DPH1: variants seen among roughly 807,000 people sequenced by gnomAD.
DPH1 encodes the protein diphthamide biosynthesis 1, also known as 2-(3-amino-3-carboxypropyl)histidine synthase subunit 1.
DPH1 carries 59 observed loss-of-function variants against 55.3 expected under a neutral mutation model. That is an observed-to-expected ratio of 1.07 (90% confidence interval 0.87 to 1.33). The LOEUF (loss-of-function observed/expected upper bound fraction) is 1.33. DPH1 is among the 40% of genes most tolerant of loss of function. DPH1 has a pLI of 0.00. For synonymous variants in DPH1, 238 were observed against 235.5 expected (o/e 1.01, Z -0.10); for missense variants, 628 against 584.8 (o/e 1.07, Z -0.76).
chr17:2,036,506 C>G lies in DPH1; in HGVS notation c.401-23C>G. Reference sequence around the variant, plus strand: ...TGCTGCTCCTGCCTTCCCAAACAGCCCCTGAACTCCTCCCTCCCACAGTTC... The same window carrying G: ...TGCTGCTCCTGCCTTCCCAAACAGCGCCTGAACTCCTCCCTCCCACAGTTC... On this transcript the variant is annotated intron_variant, in intron 4 of 12. Coordinates refer to ENST00000263083, the MANE Select transcript of DPH1 (RefSeq NM_001383.6). This position sits in a 1 kb window ranked among gnomAD's most constrained non-coding sequence, Gnocchi z 4.8. 1 of 1,612,702 alleles carries G rather than the reference C, an allele frequency of 6.2e-7. No individual in the cohort carries two copies. The highest frequency in any genetic ancestry group is 8.5e-7 in the Non-Finnish European group (1 of 1,179,176).
intron 11 of DPH1, 69 bp downstream of exon 11, chr17:2,041,690 C>T (rs764681708): frequency 1.3e-6 from 2 of 1,577,248 alleles, no homozygotes; most frequent in Admixed American, 1.9e-5. Flanking sequence ...GCGACCGCGA[C>T]GGGAAACGCA....
Position 2,041,861 on chromosome 17 carries a change from G to T in DPH1, c.*4G>T, listed in dbSNP as rs551634734. 5.9e-5 allele frequency: 93 copies of T among 1,588,544 alleles called. No individual in the cohort carries two copies. The highest frequency in any genetic ancestry group is 7.6e-5 in the Non-Finnish European group (89 of 1,170,572). ...GGTGGCGCCGCTGGCTCCTTGACGC[G>T]CTCCCGGGCCTCAGGTATCAGCCCC... On this transcript the variant is annotated 3_prime_UTR_variant, in exon 12 of 13. Transcript: ENST00000263083.
rs375928860 is a variant in DPH1 at position 2,041,110 on chromosome 17, C to T, written c.1015C>T (p.Gln339Ter). The change falls in exon 10 of 13, where the codon CAG (glutamine) becomes TAG (stop). Residue 339 changes from glutamine to a stop codon, truncating the protein, a stop_gained. Coordinates refer to ENST00000263083, the MANE Select transcript of DPH1 (RefSeq NM_001383.6). LOFTEE classifies it high-confidence loss of function. ...CCTGGCTTCCCTTCCCAGGTGGGTG[C>T]AGGTGGCATGTCCACGTCTCTCCAT... ...SLLPEVDVWV[Q>*]VACPRLSIDW... 4 of 1,601,102 alleles carry T rather than the reference C, an allele frequency of 2.5e-6. No homozygotes were observed. In the African/African-American group the frequency reaches 5.3e-5, roughly 21 times the overall value.
chr17:2,036,462 T>G lies in DPH1; in HGVS notation c.401-67T>G. On this transcript the variant is annotated intron_variant, in intron 4 of 12. Coordinates refer to ENST00000263083, the MANE Select transcript of DPH1 (RefSeq NM_001383.6). This position sits in a 1 kb window ranked among gnomAD's most constrained non-coding sequence, Gnocchi z 4.8. ...CACTGCGCCTGGCTGCTCAGAGACCTGAGCCTGGCCGGGCCCTCTGCTGCT... is the reference window on the plus strand; with the variant it reads ...CACTGCGCCTGGCTGCTCAGAGACCGGAGCCTGGCCGGGCCCTCTGCTGCT... 6.3e-7 allele frequency: 1 copy of G among 1,589,264 alleles called. No homozygotes were observed. Among genetic ancestry groups the G allele is most frequent in the Non-Finnish European group, 8.6e-7 (1 of 1,164,136 alleles).
In DPH1 at chr17:2,041,848, G is replaced by A. The variant is rs754108934; in HGVS notation, c.1308G>A (p.Leu436=). Residue 436 remains leucine, a synonymous_variant, in exon 12 of 13, where the codon CTG becomes CTA. Transcript: ENST00000263083. ...CSCRDEKVAP[L]AP Reference sequence around the variant, plus strand: ...GCAGGGACGAGAAGGTGGCGCCGCTGGCTCCTTGACGCGCTCCCGGGCCTC... The same window carrying A: ...GCAGGGACGAGAAGGTGGCGCCGCTAGCTCCTTGACGCGCTCCCGGGCCTC... 44 of 1,597,542 alleles carry A rather than the reference G, an allele frequency of 2.8e-5. No individual in the cohort carries two copies. Among genetic ancestry groups the A allele is most frequent in the Non-Finnish European group, 3.6e-5 (42 of 1,174,222 alleles).
chr17:2,037,067 G>A, intron 6 of DPH1, 111 bp downstream of exon 6: 5 of 1,462,042 alleles, frequency 3.4e-6, no homozygotes, highest in Non-Finnish European at 4.6e-6. Flanking sequence ...CCTTACCTGT[G>A]AGCCCGAGGT....
intron 11 of DPH1, 44 bp downstream of exon 11, chr17:2,041,665 A>G: frequency 6.3e-7 from 1 of 1,584,034 alleles, no homozygotes; most frequent in Non-Finnish European, 8.6e-7. Context: ...GCGCCTGGGC[A>G]CTGGCCGCCG....
At position 2,036,300 on chromosome 17, in the gene DPH1, G is replaced by C; in HGVS notation, c.400+209G>C. ...GCAACGGTGCTCTGTCCCAGATGCAGGTGTTTGAAAGGCTGTTGGTTGTAG... is the reference window on the plus strand; with the variant it reads ...GCAACGGTGCTCTGTCCCAGATGCACGTGTTTGAAAGGCTGTTGGTTGTAG... On this transcript the variant is annotated intron_variant, in intron 4 of 12. Transcript: ENST00000263083. This position sits in a 1 kb window ranked among gnomAD's most constrained non-coding sequence, Gnocchi z 4.8. 9.0e-7 allele frequency: 1 copy of C among 1,111,808 alleles called. No homozygotes were observed. The highest frequency in any genetic ancestry group is 1.2e-6 in the Non-Finnish European group (1 of 803,322). The allele number at this position is 1,111,808 out of a possible 1,614,324, so 68.9% of individuals were successfully genotyped here. A position where few individuals can be genotyped will look rare whatever the true frequency, so the allele number is the denominator to read the frequency against.
In DPH1 at chr17:2,034,283, T is replaced by C. The variant is rs565003268; in HGVS notation, c.278+441T>C. Among the ~76,000 whole-genome samples, 1,083 of 152,060 alleles carry C rather than the reference T, an allele frequency of 7.1e-3. 9 individuals are homozygous for C. Among genetic ancestry groups the C allele is most frequent in the Non-Finnish European group, 0.01 (689 of 67,944 alleles). Reference sequence around the variant, plus strand: ...GGATGGGTTTGGAGTGGGAGGTGCCTGGGAGAAGGTATTCAGTTCCTCTAC... The same window carrying C: ...GGATGGGTTTGGAGTGGGAGGTGCCCGGGAGAAGGTATTCAGTTCCTCTAC... On this transcript the variant is annotated intron_variant, in intron 3 of 12. Transcript: ENST00000263083.
intron 3 of DPH1, among the ~76,000 whole-genome samples, chr17:2,035,189 G>C (rs1253726605): frequency 6.6e-6 from 1 of 152,030 alleles, no homozygotes; most frequent in African/African-American, 2.4e-5. Context: ...TCAAGGAAGA[G>C]GGGGTTCTCC....
At chr17:2,031,327 G>A (rs1231859840) in intron 1 of DPH1, among the ~76,000 whole-genome samples, 3 of 152,152 alleles carry the variant, frequency 2.0e-5, no homozygotes, top group African/African-American at 4.8e-5. Flanking sequence ...CTGGGAGGCT[G>A]AGGCGGGCGG....
chr17:2,043,377 C>A lies in DPH1; in HGVS notation c.*791C>A. ...GATTAGGAGGGTGACATGGGGAAGGCAGAGGCTGGCACCATGGTGACTGCC... is the reference window on the plus strand; with the variant it reads ...GATTAGGAGGGTGACATGGGGAAGGAAGAGGCTGGCACCATGGTGACTGCC... On this transcript the variant is annotated 3_prime_UTR_variant, in exon 13 of 13. Coordinates refer to ENST00000263083, the MANE Select transcript of DPH1 (RefSeq NM_001383.6). 2.4e-6 allele frequency: 1 copy of A among 420,036 alleles called. No homozygotes were observed. Among genetic ancestry groups the A allele is most frequent in the Non-Finnish European group, 4.2e-6 (1 of 235,680 alleles). The allele number at this position is 420,036 out of a possible 1,614,324, so 26.0% of individuals were successfully genotyped here. A position where few individuals can be genotyped will look rare whatever the true frequency, so the allele number is the denominator to read the frequency against.
At chr17:2,041,238 CTGGAG>C in intron 10 of DPH1, 57 bp downstream of exon 10, 16 of 1,559,014 alleles carry the variant, frequency 1.0e-5, no homozygotes, top group Non-Finnish European at 1.3e-5. Flanking sequence ...AAGGTGAGGT[CTGGAG>C]TGGAGTGGGG....
At chr17:2,035,916 C>T in intron 3 of DPH1, 54 bp from the exon 4 acceptor site, 2 of 1,610,764 alleles carry the variant, frequency 1.2e-6, no homozygotes, top group Non-Finnish European at 1.7e-6. Context: ...TTGGGTCTCT[C>T]CTACCTCAGT....
rs573588613 is a variant in DPH1, at chr17:2,041,782, C to T, written c.1242C>T (p.Ser414=). 1.2e-4 allele frequency: 199 copies of T among 1,605,544 alleles called. No homozygotes were observed. The South Asian group carries it at 2.0e-3, about 16-fold the overall frequency. ...RPARGKVQEG[S]ARPPSAVACE... ...TGCGACCTCAGGTGCAGGAGGGGTC[C>T]GCGCGTCCCCCTTCGGCCGTGGCTT... The change falls in exon 12 of 13, where the codon TCC becomes TCT. Residue 414 remains serine (S), a synonymous_variant. Coordinates refer to ENST00000263083, the MANE Select transcript of DPH1 (RefSeq NM_001383.6).
chr17:2,041,639 G>A lies in DPH1; in HGVS notation c.1227+18G>A. The A allele has an allele frequency of 1.9e-6, 3 of 1,596,876 alleles. No homozygotes were observed. Among genetic ancestry groups the A allele is most frequent in the Non-Finnish European group, 1.7e-6 (2 of 1,172,718 alleles). ...GGGGGAAGGTAGGCGGGGGCTTCCA[G>A]GAGGGAGGAGAGACCGCGCCTGGGC... is the stretch of plus-strand genomic sequence containing the variant. On this transcript the variant is annotated intron_variant, in intron 11 of 12. Coordinates refer to ENST00000263083, the MANE Select transcript of DPH1 (RefSeq NM_001383.6).
At chr17:2,033,228 A>T (rs958918815) in intron 1 of DPH1, among the ~76,000 whole-genome samples, 5 of 152,144 alleles carry the variant, frequency 3.3e-5, no homozygotes, top group Non-Finnish European at 4.4e-5. Flanking sequence ...ATATATGTCA[A>T]GGTGTTATGT....
Position 2,039,816 on chromosome 17 carries a change from G to A in DPH1, c.742G>A (p.Ala248Thr), listed in dbSNP as rs371816907. 19 of 1,613,964 alleles carry A rather than the reference G, an allele frequency of 1.2e-5. No individual in the cohort carries two copies. Among genetic ancestry groups the A allele is most frequent in the Middle Eastern group, 1.6e-4 (1 of 6,084 alleles). The change falls in exon 7 of 13, where the codon GCT becomes ACT. Residue 248 changes from alanine (A) to threonine (T), a missense_variant. Ala to Thr is a moderately conservative substitution (Grantham distance 58). Coordinates refer to ENST00000263083, the MANE Select transcript of DPH1 (RefSeq NM_001383.6). ...CATGATTGCCAACCCCAATGTCCCCGCTTACCGGTATGGGCTGGGCCGGGC... is the reference window on the plus strand; with the variant it reads ...CATGATTGCCAACCCCAATGTCCCCACTTACCGGTATGGGCTGGGCCGGGC... ...SVMIANPNVP[A>T]YRYDPYSKVL...
rs1300879082 is a variant in DPH1, at chr17:2,041,550, T to C, written c.1156T>C (p.Leu386=). 12 of 1,612,806 alleles carry C rather than the reference T, an allele frequency of 7.4e-6. No homozygotes were observed. Among genetic ancestry groups the C allele is most frequent in the Non-Finnish European group, 9.3e-6 (11 of 1,179,750 alleles). ...GATGGACTTCTACGCTGGCAGCTCC[T>C]TGGGGCCCTGGACGGTGAACCACGG... is the stretch of plus-strand genomic sequence containing the variant. ...YPMDFYAGSS[L]GPWTVNHGQD... Residue 386 remains leucine, a synonymous_variant, in exon 11 of 13, where the codon TTG becomes CTG. Coordinates refer to ENST00000263083, the MANE Select transcript of DPH1 (RefSeq NM_001383.6).
Sources: allele counts gnomAD v4.1 joint callset (sites outside exome capture counted in the v4.1 genomes callset), GRCh38; gene constraint gnomAD v4.1.1; non-coding constraint Gnocchi (gnomAD v3.1); transcripts MANE v1.5; gene names NCBI Gene and HGNC (gene_info 2026-07-23, HGNC 2026-07-21).